ANK1: variants seen among roughly 807,000 people sequenced by gnomAD.
The protein encoded by ANK1 is ankyrin 1, also known as ankyrin-1.
Under a neutral mutation model 210.4 loss-of-function variants are expected in ANK1, and 51 were observed. The observed-to-expected ratio is 0.24, with a 90% confidence interval of 0.19 to 0.31. The LOEUF is 0.31. ANK1 is among the 10% of genes least tolerant of loss of function. The pLI, the probability that ANK1 is intolerant of heterozygous loss-of-function variation, is 1.00. For synonymous variants in ANK1, 967 were observed against 1,025.9 expected (o/e 0.94, Z 1.10); for missense variants, 2,051 against 2,504.4 (o/e 0.82, Z 3.86).
intron 1 of ANK1, among the ~76,000 whole-genome samples, chr8:41,833,072 C>T (rs558996678): frequency 3.3e-5 from 5 of 152,216 alleles, no homozygotes; most frequent in Non-Finnish European, 7.3e-5. Context: ...ACAATCTGAG[C>T]TTAGAAGCCA....
chr8:41,719,822 C>T lies in ANK1; in HGVS notation c.946G>A (p.Asp316Asn), dbSNP rs1447473933. ...LSPIHMAAQG[D>N]HLDCVRLLLQ... The stretch of plus-strand genomic sequence containing the variant: ...AGGAGCCGGACACAGTCGAGGTGGT[C>T]TCCCTGAGCCGCCATGTGAATTGGG... Residue 316 changes from aspartate (D) to asparagine (N), a missense_variant, in exon 10 of 43, where the codon GAC becomes AAC. Asp to Asn is a conservative substitution (Grantham distance 23). Coordinates refer to ENST00000289734, the MANE Select transcript of ANK1 (RefSeq NM_000037.4). 1 of 1,614,084 alleles carries T rather than the reference C, an allele frequency of 6.2e-7. No homozygotes were observed. The highest frequency in any genetic ancestry group is 8.5e-7 in the Non-Finnish European group (1 of 1,180,052).
rs564061500 is a variant in ANK1 at position 41,704,697 on chromosome 8, C to T, written c.2098-225G>A. On this transcript the variant is annotated intron_variant, in intron 18 of 42. Coordinates refer to ENST00000289734, the MANE Select transcript of ANK1 (RefSeq NM_000037.4). The surrounding 1 kb of genome is among the most constrained non-coding windows in gnomAD (Gnocchi z 4.1). ...GGCAACTGGAAAATGGACACTGAAC[C>T]GCGAGAAGAGGGCTATGCTGGGGTC... 1.3e-4 allele frequency among the ~76,000 whole-genome samples: 20 copies of T among 152,222 alleles called. No homozygotes were observed. The highest frequency in any genetic ancestry group is 4.6e-4 in the African/African-American group (19 of 41,530).
chr8:41,803,321 C>T (rs1175961221), intron 1 of ANK1: 1 of 152,132 alleles, frequency 6.6e-6, no homozygotes, highest in African/African-American at 2.4e-5. Context: ...TTGTTGAGCT[C>T]TATTATGAGG....
At chr8:41,803,115 A>G (rs1850393596) in intron 1 of ANK1, among the ~76,000 whole-genome samples, 1 of 147,812 alleles carries the variant, frequency 6.8e-6, no homozygotes, top group Admixed American at 6.7e-5. Flanking sequence ...AAAGGAAAGG[A>G]AAGGAAAGGA....
intron 1 of ANK1, among the ~76,000 whole-genome samples, chr8:41,877,271 C>A (rs1816767026): frequency 6.6e-6 from 1 of 152,278 alleles, no homozygotes; most frequent in South Asian, 2.1e-4. Context: ...CAGACCATGG[C>A]CTCCTAACTA....
At position 41,729,177 on chromosome 8, in the gene ANK1, A is replaced by G. The variant is rs140955050; in HGVS notation, c.229-1171T>C. On this transcript the variant is annotated intron_variant, in intron 3 of 42. Transcript: ENST00000289734. Reference sequence around the variant, plus strand: ...AAATGGGGGGTAATAAATGGAATACAATCTGGCCAAGAAAAATACAAAGAA... The same window carrying G: ...AAATGGGGGGTAATAAATGGAATACGATCTGGCCAAGAAAAATACAAAGAA... Among the ~76,000 whole-genome samples the G allele has an allele frequency of 1.3e-3, 193 of 152,350 alleles. 5 individuals carry two copies. The East Asian group carries it at 0.035, about 28-fold the overall frequency.
At chr8:41,758,168 C>A (rs780432866) in intron 1 of ANK1, 31 bp from the exon 2 acceptor site, 1 of 1,596,978 alleles carries the variant, frequency 6.3e-7, no homozygotes, top group South Asian at 1.1e-5. Flanking sequence ...CGGTGAGTGT[C>A]CTGGGTGTAT....
intron 7 of ANK1, among the ~76,000 whole-genome samples, chr8:41,724,058 G>A (rs1830062713): frequency 6.6e-6 from 1 of 152,034 alleles, no homozygotes; most frequent in African/African-American, 2.4e-5. Flanking sequence ...AAAGTGCTGG[G>A]ATTACAGGCG....
intron 1 of ANK1, among the ~76,000 whole-genome samples, chr8:41,868,757 C>G (rs2150823529): frequency 6.6e-6 from 1 of 152,224 alleles, no homozygotes; most frequent in South Asian, 2.1e-4. Context: ...CCTTCAAAAT[C>G]TTTTTTAAAA....
rs773619175 is a variant in ANK1 at position 41,704,654 on chromosome 8, A to G, written c.2098-182T>C. On this transcript the variant is annotated intron_variant, in intron 18 of 42. Coordinates refer to ENST00000289734, the MANE Select transcript of ANK1 (RefSeq NM_000037.4). The surrounding 1 kb of genome is among the most constrained non-coding windows in gnomAD (Gnocchi z 4.1). ...AGGCTGAGATGCTTGTGGGAGACCCAAGGGGAGACGTCAAGCGGGCAACTG... is the reference window on the plus strand; with the variant it reads ...AGGCTGAGATGCTTGTGGGAGACCCGAGGGGAGACGTCAAGCGGGCAACTG... Among the ~76,000 whole-genome samples, 1 of 152,166 alleles carries G rather than the reference A, an allele frequency of 6.6e-6. No individual in the cohort carries two copies. The highest frequency in any genetic ancestry group is 1.5e-5 in the Non-Finnish European group (1 of 68,018).
At chr8:41,858,052 A>AC (rs913074005) in intron 1 of ANK1, among the ~76,000 whole-genome samples, 2 of 151,638 alleles carry the variant, frequency 1.3e-5, no homozygotes, top group African/African-American at 4.9e-5. Context: ...ACATAGCAAG[A>AC]CCCCCCATCT....
intron 1 of ANK1, among the ~76,000 whole-genome samples, chr8:41,869,761 T>C (rs1380274813): frequency 6.6e-6 from 1 of 152,190 alleles, no homozygotes; most frequent in African/African-American, 2.4e-5. Flanking sequence ...CCACGTCAGC[T>C]GACACCAGAC....
At chr8:41,737,755 T>G (rs375743963) in intron 2 of ANK1, among the ~76,000 whole-genome samples, 2 of 152,224 alleles carry the variant, frequency 1.3e-5, no homozygotes, top group South Asian at 4.1e-4. Context: ...CAAACCCCAC[T>G]GGGCACAGTT....
rs373526399 is a variant in ANK1, at chr8:41,696,380, C to T, written c.2943G>A (p.Thr981=). ...LASRIIALGP[T]GAQFLSPVIV... ...AAGCTCACCTCAGGAACTGTGCCCC[C>T]GTGGGCCCCAGTGCTATGATCCTGC... is the stretch of plus-strand genomic sequence containing the variant. Residue 981 remains threonine, a synonymous_variant, in exon 26 of 43, where the codon ACG becomes ACA. Coordinates refer to ENST00000289734, the MANE Select transcript of ANK1 (RefSeq NM_000037.4). 67 of 1,613,156 alleles carry T rather than the reference C, an allele frequency of 4.2e-5. No homozygotes were observed. Among genetic ancestry groups the T allele is most frequent in the South Asian group, 1.1e-4 (10 of 91,090 alleles).
chr8:41,655,751 A>C lies in ANK1; in HGVS notation c.*39T>G. 6.2e-7 allele frequency: 1 copy of C among 1,614,090 alleles called. No individual in the cohort carries two copies. The highest frequency in any genetic ancestry group is 8.5e-7 in the Non-Finnish European group (1 of 1,179,968). ...TTCAGGGGTTGGGTGTCGAGGTGTGATCCTGGGAGACACAAAGAGAGAAGG... is the reference window on the plus strand; with the variant it reads ...TTCAGGGGTTGGGTGTCGAGGTGTGCTCCTGGGAGACACAAAGAGAGAAGG... On this transcript the variant is annotated splice_region_variant and 3_prime_UTR_variant, in exon 43 of 43. Coordinates refer to ENST00000289734, the MANE Select transcript of ANK1 (RefSeq NM_000037.4).
chr8:41,752,055 C>G (rs182733210), intron 2 of ANK1, among the ~76,000 whole-genome samples: 1 of 152,138 alleles, frequency 6.6e-6, no homozygotes, highest in Non-Finnish European at 1.5e-5. Context: ...ATACTGTTCC[C>G]CAGAAACCAC....
chr8:41,888,613 C>A (rs1296984587), intron 1 of ANK1, among the ~76,000 whole-genome samples: 7 of 152,208 alleles, frequency 4.6e-5, no homozygotes. Context: ...GCAGCAATGC[C>A]ACCCCTCTGT....
At chr8:41,883,754 C>CT (rs1298782621) in intron 1 of ANK1, among the ~76,000 whole-genome samples, 16 of 152,160 alleles carry the variant, frequency 1.1e-4, no homozygotes, top group Admixed American at 5.9e-4. Flanking sequence ...GCTACAGCAC[C>CT]TGGCTTCCCA....
At chr8:41,823,784 T>A (rs1044725791) in intron 1 of ANK1, among the ~76,000 whole-genome samples, 1 of 152,080 alleles carries the variant, frequency 6.6e-6, no homozygotes, top group Non-Finnish European at 1.5e-5. Context: ...TTAAAATTTT[T>A]AAAAATAAAA....
Sources: allele counts gnomAD v4.1 joint callset (sites outside exome capture counted in the v4.1 genomes callset), GRCh38; gene constraint gnomAD v4.1.1; non-coding constraint Gnocchi (gnomAD v3.1); transcripts MANE v1.5; gene names NCBI Gene and HGNC (gene_info 2026-07-23, HGNC 2026-07-21).